CSGALNACT1: variants seen among roughly 807,000 people sequenced by gnomAD.
CSGALNACT1 encodes chondroitin sulfate N-acetylgalactosaminyltransferase 1.
A neutral mutation model predicts 51.0 loss-of-function variants in CSGALNACT1; 52 were observed. The observed-to-expected ratio is 1.02, with a 90% CI of 0.82 to 1.29. The LOEUF (loss-of-function observed/expected upper bound fraction) is 1.29, where lower values mean the gene tolerates loss of function less well. Ranked by LOEUF, CSGALNACT1 falls within the 50% of genes most tolerant of loss-of-function variation. CSGALNACT1 has a pLI of 0.00. For synonymous variants in CSGALNACT1, 341 were observed against 254.4 expected, an observed-to-expected ratio of 1.34 and a Z score of -3.24; for missense variants, 935 against 679.2, an observed-to-expected ratio of 1.38 and a Z score of -4.19.
intron 4 of CSGALNACT1, among the ~76,000 whole-genome samples, chr8:19,475,320 AAGG>A (rs2069279107): frequency 6.6e-6 from 1 of 152,190 alleles, no homozygotes; most frequent in African/African-American, 2.4e-5. Flanking sequence ...TGAGTCACAT[AAGG>A]AGGTCTCACC....
intron 1 of CSGALNACT1, among the ~76,000 whole-genome samples, chr8:19,704,434 T>G (rs918901154): frequency 6.6e-6 from 1 of 152,210 alleles, no homozygotes; most frequent in African/African-American, 2.4e-5. Flanking sequence ...TCAAGTGTTG[T>G]CGAGGACTTG....
chr8:19,498,475 G>A (rs572135373), intron 4 of CSGALNACT1, among the ~76,000 whole-genome samples: 1 of 152,302 alleles, frequency 6.6e-6, no homozygotes, highest in African/African-American at 2.4e-5. Flanking sequence ...CATGTGCAGG[G>A]CGCTCTTTGC....
chr8:19,577,084 A>G (rs2044402000), intron 3 of CSGALNACT1, among the ~76,000 whole-genome samples: 2 of 152,026 alleles, frequency 1.3e-5, no homozygotes, highest in Non-Finnish European at 1.5e-5. Context: ...AGAGGGTAAC[A>G]TGTATTTATT....
At chr8:19,647,659 A>G (rs1039536711) in intron 1 of CSGALNACT1, among the ~76,000 whole-genome samples, 3 of 152,210 alleles carry the variant, frequency 2.0e-5, no homozygotes, top group African/African-American at 4.8e-5. Context: ...CAATGGCTGC[A>G]TAATTTACAA....
At chr8:19,567,170 T>TA (rs1387783924) in intron 3 of CSGALNACT1, among the ~76,000 whole-genome samples, 4 of 151,708 alleles carry the variant, frequency 2.6e-5, no homozygotes, top group African/African-American at 9.7e-5. Context: ...CCTGATGGAG[T>TA]AAAAAATGGC....
chr8:19,529,824 C>T (rs1460584411), intron 3 of CSGALNACT1, among the ~76,000 whole-genome samples: 4 of 152,160 alleles, frequency 2.6e-5, no homozygotes, highest in African/African-American at 9.7e-5. Flanking sequence ...TTTAAATCAT[C>T]TCTACATTAT....
At chr8:19,610,457 C>T (rs1338432156) in intron 1 of CSGALNACT1, among the ~76,000 whole-genome samples, 1 of 152,036 alleles carries the variant, frequency 6.6e-6, no homozygotes, top group African/African-American at 2.4e-5. Context: ...TGCCACAACC[C>T]ATCCTGTGCC....
At chr8:19,735,439 A>G (rs1330094867) in intron 1 of CSGALNACT1, among the ~76,000 whole-genome samples, 2 of 152,304 alleles carry the variant, frequency 1.3e-5, no homozygotes, top group East Asian at 3.9e-4. Context: ...CCCACAGATA[A>G]CATTCCAATG....
intron 3 of CSGALNACT1, among the ~76,000 whole-genome samples, chr8:19,522,120 T>A (rs2080850060): frequency 6.6e-6 from 1 of 152,224 alleles, no homozygotes; most frequent in African/African-American, 2.4e-5. Context: ...AGAGTCCTCA[T>A]GACGTACTCA....
At chr8:19,576,722 AC>A (rs1377283610) in intron 3 of CSGALNACT1, among the ~76,000 whole-genome samples, 1 of 151,544 alleles carries the variant, frequency 6.6e-6, no homozygotes, top group African/African-American at 2.4e-5. Context: ...AGCCTTTCTA[AC>A]CCACCTGCTG....
intron 8 of CSGALNACT1, among the ~76,000 whole-genome samples, chr8:19,415,738 C>T (rs1371120533): frequency 6.6e-6 from 1 of 152,178 alleles, no homozygotes; most frequent in Non-Finnish European, 1.5e-5. Flanking sequence ...TGCAAAACAA[C>T]ACATTACTTA....
chr8:19,624,712 TC>T (rs1445297351), intron 1 of CSGALNACT1, among the ~76,000 whole-genome samples: 1 of 151,694 alleles, frequency 6.6e-6, no homozygotes, highest in Non-Finnish European at 1.5e-5. Flanking sequence ...AGAGTCTCGC[TC>T]TGTTGCCCAG....
At chr8:19,642,951 T>G (rs1233225914) in intron 1 of CSGALNACT1, among the ~76,000 whole-genome samples, 1 of 152,124 alleles carries the variant, frequency 6.6e-6, no homozygotes, top group Non-Finnish European at 1.5e-5. Context: ...AATAATACAG[T>G]TAAAGTTTTT....
intron 5 of CSGALNACT1, among the ~76,000 whole-genome samples, chr8:19,448,819 TGCAA>T (rs1283703840): frequency 6.6e-6 from 1 of 152,188 alleles, no homozygotes. Context: ...TAGTGTCCCA[TGCAA>T]ATGAAATGAC....
rs529734020 is a variant in CSGALNACT1, at chr8:19,643,203, A to G, written c.-544+39270T>C. Among the ~76,000 whole-genome samples the G allele has an allele frequency of 3.3e-5, 5 of 152,336 alleles. 1 individual carries two copies. In the South Asian group the frequency reaches 8.3e-4, roughly 25 times the overall value. On this transcript the variant is annotated intron_variant, in intron 1 of 9. Transcript: ENST00000332246. ...CTGAATAAAAATCAGCAAATTAAAC[A>G]TTAAAAAATAATTTTAAAAAGTCAA...
intron 8 of CSGALNACT1, among the ~76,000 whole-genome samples, chr8:19,414,130 G>C (rs138279652): frequency 5.8e-4 from 89 of 152,286 alleles, no homozygotes; most frequent in African/African-American, 2.0e-3. Context: ...CATGGAAATT[G>C]GCAAATGCTA....
chr8:19,574,316 G>C (rs1023954937), intron 3 of CSGALNACT1, among the ~76,000 whole-genome samples: 1 of 152,144 alleles, frequency 6.6e-6, no homozygotes, highest in African/African-American at 2.4e-5. Context: ...TCCAGACCCA[G>C]CAAATGCAAC....
intron 4 of CSGALNACT1, among the ~76,000 whole-genome samples, chr8:19,476,677 T>C (rs1003354070): frequency 6.6e-6 from 1 of 152,186 alleles, no homozygotes; most frequent in East Asian, 1.9e-4. Context: ...CCTTGTTTGC[T>C]GGAATATTTT....
At chr8:19,658,455 C>T (rs757721483) in intron 1 of CSGALNACT1, among the ~76,000 whole-genome samples, 6 of 152,088 alleles carry the variant, frequency 3.9e-5, no homozygotes, top group African/African-American at 1.2e-4. Flanking sequence ...AACAAGAGGC[C>T]GGGCATGGTG....
Sources: gnomAD v4.1 joint callset for allele counts (sites outside exome capture counted in the v4.1 genomes callset) on GRCh38, gnomAD v4.1.1 for gene constraint, MANE v1.5 for transcripts, NCBI Gene and HGNC (gene_info 2026-07-23, HGNC 2026-07-21) for gene names.